Variants in FBRSL1 observed in about 807,000 individuals in gnomAD.
FBRSL1 encodes the protein fibrosin like 1, also known as fibrosin-1-like protein.
In FBRSL1, 51 loss-of-function variants were observed where a neutral mutation model predicts 89.6. The ratio of observed to expected loss-of-function variants is 0.57; its 90% CI spans 0.45 to 0.72. FBRSL1 has a LOEUF of 0.72. Among genes scored for constraint, FBRSL1 ranks in the 30% least tolerant of loss-of-function variants. The pLI, the probability that FBRSL1 is intolerant of heterozygous loss-of-function variation, is 0.00. For missense variants in FBRSL1, 1,618 were observed against 1,451.8 expected, an observed-to-expected ratio of 1.11 and a Z score of -1.86; for synonymous variants, 779 against 681.1, an observed-to-expected ratio of 1.14 and a Z score of -2.24.
At chr12:132,497,585 C>T (rs770114497) in intron 1 of FBRSL1, among the ~76,000 whole-genome samples, 6 of 152,152 alleles carry the variant, frequency 3.9e-5, no homozygotes, top group Non-Finnish European at 5.9e-5. Flanking sequence ...CTCCTGCTTT[C>T]AGGAGCCCAC....
At chr12:132,556,783 T>A (rs2038705067) in intron 5 of FBRSL1, among the ~76,000 whole-genome samples, 1 of 120,962 alleles carries the variant, frequency 8.3e-6, no homozygotes, top group Non-Finnish European at 1.6e-5. Flanking sequence ...GACGCTCCTC[T>A]CCAGGCCTTC....
At chr12:132,576,577 G>A (rs189255692) in intron 14 of FBRSL1, among the ~76,000 whole-genome samples, 12 of 152,332 alleles carry the variant, frequency 7.9e-5, no homozygotes, top group Admixed American at 5.9e-4. Flanking sequence ...TGCCAAGTAC[G>A]TACCACAGTT....
In FBRSL1 at chr12:132,509,694, C is replaced by T. The variant is rs998142715; in HGVS notation, c.489+1344C>T. 15 of 1,231,414 alleles carry T rather than the reference C, an allele frequency of 1.2e-5. No homozygotes were observed. In the African/African-American group the frequency reaches 1.7e-4, roughly 14 times the overall value. The allele number at this position is 1,231,414 out of a possible 1,614,324, so 76.3% of individuals were successfully genotyped here. ...GCACCGCTGCAGGCGCCTGCGGTCCCTGCTGACCCTGTGGCACCGCTGCCG... is the reference window on the plus strand; with the variant it reads ...GCACCGCTGCAGGCGCCTGCGGTCCTTGCTGACCCTGTGGCACCGCTGCCG... On this transcript the variant is annotated intron_variant, in intron 2 of 18. Coordinates refer to ENST00000680143, the MANE Select transcript of FBRSL1 (RefSeq NM_001367871.1).
chr12:132,558,550 G>A (rs1157980447), intron 5 of FBRSL1, among the ~76,000 whole-genome samples: 1 of 152,256 alleles, frequency 6.6e-6, no homozygotes, highest in Non-Finnish European at 1.5e-5. Flanking sequence ...GGTAAAGGGA[G>A]TACGTGTATT....
chr12:132,564,109 G>A (rs995860469), intron 5 of FBRSL1, among the ~76,000 whole-genome samples: 2 of 152,204 alleles, frequency 1.3e-5, no homozygotes, highest in African/African-American at 4.8e-5. Context: ...AGCGCGTGCC[G>A]ACAGCAATTC....
At position 132,507,127 on chromosome 12, in the gene FBRSL1, GTCC is replaced by G. The variant is rs970199095; in HGVS notation, c.292-1020_292-1018del. On this transcript the variant is annotated intron_variant, in intron 1 of 18. Coordinates refer to ENST00000680143, the MANE Select transcript of FBRSL1 (RefSeq NM_001367871.1). ...ACACCATGGCTCTATGCGGGGGCGG[GTCC>G]TCCTCGGGGACACTGTGGCCCTCCG... 5.9e-4 allele frequency: 535 copies of G among 913,474 alleles called. 3 individuals are homozygous for G. In the African/African-American group the frequency reaches 8.6e-3, roughly 15 times the overall value. The allele number at this position is 913,474 out of a possible 1,614,324, so 56.6% of individuals were successfully genotyped here.
intron 5 of FBRSL1, among the ~76,000 whole-genome samples, chr12:132,559,434 T>C (rs755864307): frequency 1.5e-4 from 23 of 152,204 alleles, no homozygotes; most frequent in Non-Finnish European, 3.1e-4. Context: ...CTCTGTCACC[T>C]ACGCTGAAGT....
At chr12:132,509,974 G>A (rs867971184) in intron 2 of FBRSL1, 18 of 1,231,492 alleles carry the variant, frequency 1.5e-5, no homozygotes, top group East Asian at 3.2e-5. Flanking sequence ...CAGCCCAGCC[G>A]CCCCCGGCGG....
At chr12:132,564,017 G>A (rs2039382112) in intron 5 of FBRSL1, among the ~76,000 whole-genome samples, 1 of 151,476 alleles carries the variant, frequency 6.6e-6, no homozygotes, top group African/African-American at 2.4e-5. Context: ...GGCTGCTGTG[G>A]CTGGGGCCGC....
intron 4 of FBRSL1, among the ~76,000 whole-genome samples, chr12:132,536,451 C>T (rs974484090): frequency 6.8e-6 from 1 of 147,456 alleles, no homozygotes; most frequent in Admixed American, 6.7e-5. Flanking sequence ...ACTGTGAGTG[C>T]ATGTGTATAT....
chr12:132,572,190 C>G (rs368508334), intron 9 of FBRSL1, 98 bp from the exon 10 acceptor site: 3 of 1,131,654 alleles, frequency 2.7e-6, no homozygotes, highest in African/African-American at 3.1e-5. Context: ...AGCACAACGC[C>G]GTCCTGTCAC....
At position 132,508,403 on chromosome 12, in the gene FBRSL1, C is replaced by T. The variant is rs2033943341; in HGVS notation, c.489+53C>T. The T allele has an allele frequency of 1.5e-6, 2 of 1,377,000 alleles. 1 individual carries two copies. The highest frequency in any genetic ancestry group is 2.9e-5 in the South Asian group (2 of 68,386). The allele number at this position is 1,377,000 out of a possible 1,614,324, so 85.3% of individuals were successfully genotyped here. ...CTCTGCGGCGGGTCAGTGCTCACCG[C>T]CCCAGGGCCATGCCAGCACCTGGAC... On this transcript the variant is annotated intron_variant, in intron 2 of 18. Transcript: ENST00000680143.
At chr12:132,574,908 TTGAG>T (rs906479743) in intron 14 of FBRSL1, among the ~76,000 whole-genome samples, 4 of 152,054 alleles carry the variant, frequency 2.6e-5, no homozygotes, top group African/African-American at 4.8e-5. Context: ...CCCACAGTGA[TTGAG>T]TGTCTGCTGT....
At position 132,499,918 on chromosome 12, in the gene FBRSL1, G is replaced by T. The variant is rs1320895716; in HGVS notation, c.292-8235G>T. On this transcript the variant is annotated intron_variant, in intron 1 of 18. Coordinates refer to ENST00000680143, the MANE Select transcript of FBRSL1 (RefSeq NM_001367871.1). This position sits in a 1 kb window ranked among gnomAD's most constrained non-coding sequence, Gnocchi z 4.3. ...GCTGATCTGGTTTGTGAGCTGGCCTGTGGGGTGGATGGGGTTCCCCAGAGC... is the reference window on the plus strand; with the variant it reads ...GCTGATCTGGTTTGTGAGCTGGCCTTTGGGGTGGATGGGGTTCCCCAGAGC... Among the ~76,000 whole-genome samples, 1 of 152,126 alleles carries T rather than the reference G, an allele frequency of 6.6e-6. No homozygotes were observed. Among genetic ancestry groups the T allele is most frequent in the African/African-American group, 2.4e-5 (1 of 41,416 alleles).
At chr12:132,493,272 C>T (rs1426350761) in intron 1 of FBRSL1, among the ~76,000 whole-genome samples, 2 of 152,260 alleles carry the variant, frequency 1.3e-5, no homozygotes, top group Admixed American at 1.3e-4. Context: ...AGTCCCTCTG[C>T]CCCCACCCGC....
chr12:132,570,662 C>T (rs2039950010), intron 8 of FBRSL1, 122 bp downstream of exon 8: 1 of 892,764 alleles, frequency 1.1e-6, no homozygotes, highest in Non-Finnish European at 1.6e-6. Context: ...CCCTGCGCGC[C>T]TCTCTGAGTG....
At chr12:132,581,265 G>C in intron 15 of FBRSL1, 174 bp from the exon 16 acceptor site, 1 of 985,190 alleles carries the variant, frequency 1.0e-6, no homozygotes, top group East Asian at 1.1e-4. Flanking sequence ...TCCGAATTGT[G>C]GGGTAGATTC....
intron 2 of FBRSL1, chr12:132,509,994 C>T (rs909181172): frequency 4.3e-5 from 53 of 1,231,394 alleles, no homozygotes; most frequent in Non-Finnish European, 5.2e-5. Flanking sequence ...GTCGCTGCTG[C>T]GCCCCAGGCA....
intron 4 of FBRSL1, among the ~76,000 whole-genome samples, chr12:132,529,411 G>A (rs935919612): frequency 8.5e-5 from 13 of 152,294 alleles, no homozygotes; most frequent in African/African-American, 3.1e-4. Flanking sequence ...CTCATGGGCA[G>A]GAATTGGCCA....
Sources: gnomAD v4.1 joint callset for allele counts (sites outside exome capture counted in the v4.1 genomes callset) on GRCh38, gnomAD v4.1.1 for gene constraint, Gnocchi (gnomAD v3.1) non-coding constraint, MANE v1.5 for transcripts, NCBI Gene and HGNC (gene_info 2026-07-23, HGNC 2026-07-21) for gene names.